Variants in VPS35L observed in about 807,000 individuals in gnomAD.
The protein encoded by VPS35L is VPS35 endosomal protein sorting factor like.
A neutral mutation model predicts 133.0 loss-of-function variants in VPS35L; 83 were observed. The ratio of observed to expected loss-of-function variants is 0.62; its 90% confidence interval spans 0.52 to 0.75. VPS35L has a LOEUF of 0.75. Ranked by LOEUF, VPS35L falls within the 30% of genes least tolerant of loss-of-function variation. VPS35L has a pLI of 0.00. For synonymous variants in VPS35L, 423 were observed against 449.9 expected, an observed-to-expected ratio of 0.94 and a Z score of 0.76; for missense variants, 1,083 against 1,206.8, an observed-to-expected ratio of 0.90 and a Z score of 1.52.
At chr16:19,556,272 C>T (rs995067916) in intron 1 of VPS35L, among the ~76,000 whole-genome samples, 4 of 152,256 alleles carry the variant, frequency 2.6e-5, no homozygotes, top group Admixed American at 6.5e-5. Flanking sequence ...GGCAGACGCA[C>T]AGTAGAGGGA....
intron 4 of VPS35L, among the ~76,000 whole-genome samples, chr16:19,574,668 C>G: frequency 6.6e-6 from 1 of 151,790 alleles, no homozygotes; most frequent in South Asian, 2.1e-4. Context: ...ATTTTTACCC[C>G]TGGGTCATCA....
At position 19,591,868 on chromosome 16, in the gene VPS35L, A is replaced by T. The variant is rs534656271; in HGVS notation, c.718A>T (p.Thr240Ser). 1.6e-5 allele frequency: 26 copies of T among 1,599,712 alleles called. No individual in the cohort carries two copies. The East Asian group carries it at 5.8e-4, about 36-fold the overall frequency. Residue 240 changes from threonine (T) to serine (S), a missense_variant, in exon 8 of 31, where the codon ACA becomes TCA. Physicochemically the swap from Thr to Ser is moderately conservative, Grantham distance 58. Coordinates refer to ENST00000417362, the MANE Select transcript of VPS35L (RefSeq NM_020314.7). ...TGTCCTTATCACCGACATACTTGAT[A>T]CATTTGGTAAGTACCTGTCATATGC... is the stretch of plus-strand genomic sequence containing the variant. ...KFVLITDILD[T>S]FGKLVYERIF... is the part of the protein sequence containing the mutation.
chr16:19,573,805 C>T (rs778363480), intron 4 of VPS35L, among the ~76,000 whole-genome samples: 10 of 151,654 alleles, frequency 6.6e-5, no homozygotes, highest in Non-Finnish European at 1.3e-4. Flanking sequence ...AGAGTGAGAC[C>T]CTATCTCAAA....
chr16:19,696,634 C>T (rs201091868), intron 29 of VPS35L, among the ~76,000 whole-genome samples: 11 of 151,708 alleles, frequency 7.3e-5, no homozygotes, highest in African/African-American at 2.4e-4. Flanking sequence ...TCCCAAGCTA[C>T]GTGTTTGTAT....
chr16:19,650,039 T>A (rs1009890954), intron 24 of VPS35L, among the ~76,000 whole-genome samples: 4 of 152,242 alleles, frequency 2.6e-5, no homozygotes, highest in African/African-American at 9.6e-5. Context: ...TTAAGATTTC[T>A]AAATTCTTAA....
intron 1 of VPS35L, among the ~76,000 whole-genome samples, chr16:19,561,227 C>T (rs954569273): frequency 5.3e-5 from 8 of 152,058 alleles, no homozygotes; most frequent in East Asian, 3.9e-4. Flanking sequence ...AAAAATTAGC[C>T]GGGTGTGGTG....
chr16:19,661,702 G>GAAC (rs1220191368), intron 26 of VPS35L, among the ~76,000 whole-genome samples: 1 of 152,214 alleles, frequency 6.6e-6, no homozygotes, highest in Non-Finnish European at 1.5e-5. Context: ...GTGCAGTGCA[G>GAAC]AACAGCATCC....
chr16:19,664,577 G>GAA (rs112360501), intron 26 of VPS35L, among the ~76,000 whole-genome samples: 2 of 136,392 alleles, frequency 1.5e-5, no homozygotes, highest in Non-Finnish European at 1.6e-5. Context: ...AATATAAGCA[G>GAA]AAAAAAAAAA....
At chr16:19,606,676 T>C (rs752087812) in intron 9 of VPS35L, among the ~76,000 whole-genome samples, 1 of 152,176 alleles carries the variant, frequency 6.6e-6, no homozygotes, top group South Asian at 2.1e-4. Flanking sequence ...GGGATGAAAA[T>C]GACTCATTGC....
At chr16:19,645,875 G>A (rs1236362957) in intron 23 of VPS35L, among the ~76,000 whole-genome samples, 1 of 152,232 alleles carries the variant, frequency 6.6e-6, no homozygotes, top group Non-Finnish European at 1.5e-5. Context: ...CAAAACGCCA[G>A]ATATCCACTC....
chr16:19,638,283 G>T (rs747573617), intron 20 of VPS35L, among the ~76,000 whole-genome samples: 3 of 151,948 alleles, frequency 2.0e-5, no homozygotes, highest in Admixed American at 2.0e-4. Context: ...ATATTTATTC[G>T]ACATATACCA....
chr16:19,607,847 T>G (rs1972582762), intron 9 of VPS35L: 2 of 207,530 alleles, frequency 9.6e-6, no homozygotes, highest in South Asian at 2.7e-4. Context: ...TACATTTGCT[T>G]GCTGTGTGCC....
chr16:19,599,300 A>G (rs1477452067), intron 8 of VPS35L, among the ~76,000 whole-genome samples: 1 of 152,186 alleles, frequency 6.6e-6, no homozygotes, highest in East Asian at 1.9e-4. Flanking sequence ...ACAGACATCC[A>G]CATATTTTCA....
At chr16:19,586,174 A>C (rs967267104) in intron 7 of VPS35L, among the ~76,000 whole-genome samples, 1 of 152,214 alleles carries the variant, frequency 6.6e-6, no homozygotes, top group Non-Finnish European at 1.5e-5. Context: ...TGCTAGGATT[A>C]CAGGCATGAG....
chr16:19,589,653 A>G (rs1971978955), intron 7 of VPS35L, among the ~76,000 whole-genome samples: 1 of 152,236 alleles, frequency 6.6e-6, no homozygotes, highest in Non-Finnish European at 1.5e-5. Flanking sequence ...CAGTAATTTA[A>G]AAAGTAACTT....
chr16:19,602,365 C>T (rs1226213048), intron 9 of VPS35L, among the ~76,000 whole-genome samples: 1 of 152,170 alleles, frequency 6.6e-6, no homozygotes, highest in Non-Finnish European at 1.5e-5. Context: ...CAAGCTAGAG[C>T]AACCAGCTTG....
At chr16:19,608,446 G>T in intron 10 of VPS35L, 172 bp downstream of exon 10, 1 of 579,090 alleles carries the variant, frequency 1.7e-6, no homozygotes, top group Non-Finnish European at 3.0e-6. Context: ...AGAAACCCTT[G>T]GACTCTTGCT....
intron 1 of VPS35L, among the ~76,000 whole-genome samples, chr16:19,563,104 A>T (rs1352279031): frequency 6.6e-6 from 1 of 151,984 alleles, no homozygotes; most frequent in Non-Finnish European, 1.5e-5. Flanking sequence ...CTTTATTTTC[A>T]AAGGAGCAAC....
intron 12 of VPS35L, among the ~76,000 whole-genome samples, chr16:19,614,689 G>A (rs1972830521): frequency 6.6e-6 from 1 of 152,232 alleles, no homozygotes; most frequent in Admixed American, 6.5e-5. Context: ...GGGATTACAG[G>A]TGTGAGCCAC....
Sources: gnomAD v4.1 joint callset for allele counts (sites outside exome capture counted in the v4.1 genomes callset) on GRCh38, gnomAD v4.1.1 for gene constraint, MANE v1.5 for transcripts, NCBI Gene and HGNC (gene_info 2026-07-23, HGNC 2026-07-21) for gene names.